The following FMNL2 variants were observed in gnomAD, a reference collection of about 807,000 sequenced individuals.
FMNL2 encodes formin like 2, also known as formin-like protein 2.
Under a neutral mutation model 130.2 loss-of-function variants are expected in FMNL2, and 51 were observed. The observed-to-expected ratio is 0.39, with a 90% CI of 0.31 to 0.49. The LOEUF is 0.49. FMNL2 is among the 20% of genes least tolerant of loss of function. The probability of loss-of-function intolerance (pLI) is 0.85; values close to 1 mark genes in which losing one functional copy is unlikely to be tolerated. For missense variants in FMNL2, 977 were observed against 1,316.2 expected (o/e 0.74, Z 3.99); for synonymous variants, 465 against 467.1 (o/e 1.00, Z 0.06).
In FMNL2 at chr2:152,648,817, A is replaced by G. The variant is rs1683835805; in HGVS notation, c.*912A>G. On this transcript the variant is annotated 3_prime_UTR_variant, in exon 26 of 26. Transcript: ENST00000288670. ...ATCGCAATTTTTTCTTATTTTTTAT[A>G]AATTCAAGAAGATACACTTGGCATC... The G allele has an allele frequency of 6.6e-6, 1 of 152,622 alleles. No homozygotes were observed. The highest frequency in any genetic ancestry group is 1.5e-5 in the Non-Finnish European group (1 of 68,042). 9.5% of individuals were successfully genotyped at this position (152,622 alleles called of 1,614,324 possible). A position where few individuals can be genotyped will look rare whatever the true frequency, so the allele number is the denominator to read the frequency against.
chr2:152,534,490 CT>C, intron 2 of FMNL2, among the ~76,000 whole-genome samples: 1 of 151,288 alleles, frequency 6.6e-6, no homozygotes. Context: ...TAAAAAAATT[CT>C]TGAGTAATTG....
chr2:152,402,778 A>T (rs957969684), intron 1 of FMNL2, among the ~76,000 whole-genome samples: 1 of 152,238 alleles, frequency 6.6e-6, no homozygotes, highest in African/African-American at 2.4e-5. Flanking sequence ...CCCCATTATT[A>T]TCTTAAGTTA....
At chr2:152,549,165 C>A in intron 4 of FMNL2, 68 bp downstream of exon 4, 1 of 1,146,598 alleles carries the variant, frequency 8.7e-7, no homozygotes, top group African/African-American at 1.6e-5. Context: ...CTGAATCATA[C>A]CCAAAGAATT....
intron 9 of FMNL2, among the ~76,000 whole-genome samples, chr2:152,581,273 T>G (rs1181142479): frequency 3.3e-5 from 5 of 152,208 alleles, no homozygotes; most frequent in African/African-American, 9.6e-5. Context: ...TGTTGTTGTT[T>G]TTGTTTTAAT....
chr2:152,630,519 A>G (rs1304110397), intron 20 of FMNL2, among the ~76,000 whole-genome samples: 2 of 152,212 alleles, frequency 1.3e-5, no homozygotes, highest in South Asian at 2.1e-4. Flanking sequence ...ACTAATGTGA[A>G]TAAGACTAGA....
chr2:152,646,798 G>C (rs1683624540), intron 25 of FMNL2, among the ~76,000 whole-genome samples: 1 of 152,214 alleles, frequency 6.6e-6, no homozygotes, highest in Non-Finnish European at 1.5e-5. Context: ...TAATTAAACA[G>C]GAAAAGTATA....
chr2:152,580,983 G>A lies in FMNL2; in HGVS notation c.810G>A (p.Leu270=). Reference sequence around the variant, plus strand: ...CAAAAGCCCTTGTCTTAGAACTGTTGGCAGCCGTTTGTCTTGTCAGAGGCG... The same window carrying A: ...CAAAAGCCCTTGTCTTAGAACTGTTAGCAGCCGTTTGTCTTGTCAGAGGCG... The part of the protein sequence containing the change: ...PRTKALVLEL[L]AAVCLVRGGH... The change falls in exon 9 of 26, where the codon TTG becomes TTA. Residue 270 remains leucine (L), a synonymous_variant. Transcript: ENST00000288670. 6.2e-7 allele frequency: 1 copy of A among 1,613,680 alleles called. No individual in the cohort carries two copies. The highest frequency in any genetic ancestry group is 2.2e-5 in the East Asian group (1 of 44,826).
chr2:152,476,804 A>G (rs949939571), intron 1 of FMNL2, among the ~76,000 whole-genome samples: 1 of 152,234 alleles, frequency 6.6e-6, no homozygotes, highest in Non-Finnish European at 1.5e-5. Flanking sequence ...TAGGGTTTAA[A>G]AAATATTAAT....
At chr2:152,635,836 C>G (rs1682552480) in intron 21 of FMNL2, among the ~76,000 whole-genome samples, 1 of 152,186 alleles carries the variant, frequency 6.6e-6, no homozygotes, top group African/African-American at 2.4e-5. Flanking sequence ...AACCTATGGT[C>G]AACCGACAAA....
intron 1 of FMNL2, among the ~76,000 whole-genome samples, chr2:152,417,821 A>T (rs1003730556): frequency 6.6e-6 from 1 of 151,954 alleles, no homozygotes; most frequent in Admixed American, 6.6e-5. Context: ...GAGTAAATGC[A>T]TTATTTTTAT....
At chr2:152,521,905 A>C (rs1028027450) in intron 1 of FMNL2, 38 bp from the exon 2 acceptor site, 17 of 1,529,180 alleles carry the variant, frequency 1.1e-5, no homozygotes, top group Non-Finnish European at 1.5e-5. Flanking sequence ...CCTGCTGTGG[A>C]ATGTGACATC....
intron 1 of FMNL2, among the ~76,000 whole-genome samples, chr2:152,400,617 C>A (rs1558830320): frequency 6.6e-6 from 1 of 152,094 alleles, no homozygotes; most frequent in African/African-American, 2.4e-5. Context: ...TTTTCTTGTG[C>A]AGTTTGTTTC....
Position 152,614,990 on chromosome 2 carries a change from A to G in FMNL2, c.1202A>G (p.Asn401Ser), listed in dbSNP as rs1292735996. 1.2e-6 allele frequency: 2 copies of G among 1,610,946 alleles called. No individual in the cohort carries two copies. Among genetic ancestry groups the G allele is most frequent in the Non-Finnish European group, 1.7e-6 (2 of 1,179,256 alleles). ...ALERVEELEE[N>S]ISHLSEKLQD... is the part of the protein sequence containing the mutation. ...GAGAGGGTGGAAGAACTGGAAGAAA[A>G]CATTTCTCATGTAACTATATCTCAG... Residue 401 changes from asparagine to serine, a missense_variant, in exon 12 of 26, where the codon AAC (asparagine) becomes AGC (serine). By Grantham distance (46) the Asn-to-Ser change is conservative (BLOSUM62 1). Coordinates refer to ENST00000288670, the MANE Select transcript of FMNL2 (RefSeq NM_052905.4).
chr2:152,400,681 G>A (rs1685643817), intron 1 of FMNL2, among the ~76,000 whole-genome samples: 1 of 152,110 alleles, frequency 6.6e-6, no homozygotes, highest in African/African-American at 2.4e-5. Context: ...ATGCATTTGG[G>A]ACCAGATAAC....
intron 25 of FMNL2, chr2:152,644,022 G>A (rs1230059967): frequency 6.4e-6 from 3 of 469,552 alleles, no homozygotes; most frequent in East Asian, 1.6e-4. Context: ...TTGAGCCCAG[G>A]AGTTTGAGAC....
intron 1 of FMNL2, among the ~76,000 whole-genome samples, chr2:152,520,313 G>A (rs1693015106): frequency 6.6e-6 from 1 of 152,106 alleles, no homozygotes; most frequent in African/African-American, 2.4e-5. Context: ...AATATTTTAG[G>A]CCAGGCATGG....
intron 1 of FMNL2, among the ~76,000 whole-genome samples, chr2:152,388,682 C>T (rs1009113968): frequency 2.0e-5 from 3 of 152,220 alleles, no homozygotes; most frequent in African/African-American, 7.2e-5. Context: ...CCTAATGTCA[C>T]CACAGATTCT....
chr2:152,491,658 A>G (rs932697625), intron 1 of FMNL2, among the ~76,000 whole-genome samples: 2 of 152,196 alleles, frequency 1.3e-5, no homozygotes, highest in African/African-American at 4.8e-5. Context: ...TTAAAACTGA[A>G]CTATAGATCA....
intron 1 of FMNL2, among the ~76,000 whole-genome samples, chr2:152,475,660 CT>C (rs1281526138): frequency 6.6e-6 from 1 of 151,778 alleles, no homozygotes; most frequent in Non-Finnish European, 1.5e-5. Flanking sequence ...ACACTGGCTA[CT>C]TTTTTTATTT....
Sources: allele counts gnomAD v4.1 joint callset (sites outside exome capture counted in the v4.1 genomes callset), GRCh38; gene constraint gnomAD v4.1.1; transcripts MANE v1.5; gene names NCBI Gene and HGNC (gene_info 2026-07-23, HGNC 2026-07-21).